The following BCLAF1 variants were observed in gnomAD, a reference collection of about 807,000 sequenced individuals.
BCLAF1 encodes bcl-2-associated transcription factor 1.
Under a neutral mutation model 99.5 loss-of-function variants are expected in BCLAF1, and 10 were observed. That is an observed-to-expected ratio of 0.10 (90% CI 0.06 to 0.17). The LOEUF (loss-of-function observed/expected upper bound fraction) is 0.17, where lower values mean the gene tolerates loss of function less well. Ranked by LOEUF, BCLAF1 falls within the 10% of genes least tolerant of loss-of-function variation. BCLAF1 has a pLI of 1.00. For synonymous variants in BCLAF1, 255 were observed against 370.9 expected, an observed-to-expected ratio of 0.69 and a Z score of 3.59; for missense variants, 636 against 1,105.8, an observed-to-expected ratio of 0.58 and a Z score of 6.02.
Position 136,276,134 on chromosome 6 carries a change from G to A in BCLAF1, c.1391C>T (p.Thr464Ile), listed in dbSNP as rs776896904. ...GCTAGGCCTTTCCACTACATATCCA[G>A]TCTCTTTAAGTTTATAATTTTTTTC... ...REEKNYKLKE[T>I]GYVVERPSTT... is the part of the protein sequence containing the mutation. Residue 464 changes from threonine to isoleucine, a missense_variant, in exon 5 of 13, where the codon ACT (threonine) becomes ATT (isoleucine). Physicochemically the swap from Thr to Ile is moderately conservative, Grantham distance 89. Around this residue, in one of 9 missense-constraint regions of BCLAF1, gnomAD observed 186 missense variants for 275.3 expected, o/e 0.68. Transcript: ENST00000531224. 3.1e-6 allele frequency: 5 copies of A among 1,613,108 alleles called. No homozygotes were observed. Among genetic ancestry groups the A allele is most frequent in the Non-Finnish European group, 4.2e-6 (5 of 1,179,826 alleles).
intron 6 of BCLAF1, among the ~76,000 whole-genome samples, chr6:136,274,463 C>G (rs1782978597): frequency 6.6e-6 from 1 of 151,786 alleles, no homozygotes; most frequent in Non-Finnish European, 1.5e-5. Context: ...TGGTCATAAA[C>G]TGGTTCACAA....
chr6:136,268,809 A>G lies in BCLAF1; in HGVS notation c.2220-470T>C, dbSNP rs562519665. The G allele has an allele frequency of 1.3e-4, 22 of 168,458 alleles. No individual in the cohort carries two copies. In the South Asian group the frequency reaches 2.3e-3, roughly 17 times the overall value. 10.4% of individuals were successfully genotyped at this position (168,458 alleles called of 1,614,324 possible). A position where few individuals can be genotyped will look rare whatever the true frequency, so the allele number is the denominator to read the frequency against. On this transcript the variant is annotated intron_variant, in intron 9 of 12. Coordinates refer to ENST00000531224, the MANE Select transcript of BCLAF1 (RefSeq NM_014739.3). The stretch of plus-strand genomic sequence containing the variant: ...ATTACAAATAACAGCCATAAATTTA[A>G]TAACACAAACAAAATCCACCATTTA...
chr6:136,268,968 C>G (rs1208411898), intron 9 of BCLAF1: 1 of 364,638 alleles, frequency 2.7e-6, no homozygotes, highest in African/African-American at 2.2e-5. Context: ...CCACTGCTAA[C>G]AGTTTCCAAG....
chr6:136,266,298 C>G (rs1479676214), intron 11 of BCLAF1, among the ~76,000 whole-genome samples: 1 of 152,058 alleles, frequency 6.6e-6, no homozygotes, highest in Non-Finnish European at 1.5e-5. Flanking sequence ...GAACTAGTCT[C>G]TGAAGCATAA....
chr6:136,269,004 C>T (rs1421111277), intron 9 of BCLAF1: 1 of 568,506 alleles, frequency 1.8e-6, no homozygotes, highest in African/African-American at 2.0e-5. Context: ...AAGACTAATA[C>T]ACATTGCTAT....
At chr6:136,287,704 G>A (rs968531448) in intron 1 of BCLAF1, among the ~76,000 whole-genome samples, 2 of 152,084 alleles carry the variant, frequency 1.3e-5, no homozygotes, top group Admixed American at 1.3e-4. Context: ...AGTTAACCTC[G>A]TACAGCTTGC....
intron 6 of BCLAF1, chr6:136,273,491 TA>T: frequency 4.1e-6 from 1 of 244,546 alleles, no homozygotes; most frequent in South Asian, 6.3e-5. Context: ...AAAAGGAACA[TA>T]ATCTATGGAT....
chr6:136,273,844 G>A, intron 6 of BCLAF1: 1 of 527,184 alleles, frequency 1.9e-6, no homozygotes, highest in Non-Finnish European at 2.6e-6. Flanking sequence ...TTTAAAACCA[G>A]TTCAAGATAT....
rs1179084317 is a variant in BCLAF1 at position 136,258,561 on chromosome 6, G to A, written c.*2549C>T. 2 of 152,486 alleles carry A rather than the reference G, an allele frequency of 1.3e-5. No homozygotes were observed. Among genetic ancestry groups the A allele is most frequent in the African/African-American group, 2.4e-5 (1 of 41,432 alleles). The allele number at this position is 152,486 out of a possible 1,614,324, so 9.4% of individuals were successfully genotyped here. ...CCACAGAAATAAGATGTGTGAAATAGACACAGGTAAACAAACAACAGCAGT... is the reference window on the plus strand; with the variant it reads ...CCACAGAAATAAGATGTGTGAAATAAACACAGGTAAACAAACAACAGCAGT... On this transcript the variant is annotated 3_prime_UTR_variant, in exon 13 of 13. Transcript: ENST00000531224.
intron 2 of BCLAF1, among the ~76,000 whole-genome samples, chr6:136,281,926 T>C (rs1784426602): frequency 6.6e-6 from 1 of 152,206 alleles, no homozygotes; most frequent in Middle Eastern, 3.2e-3. Flanking sequence ...TTTTAAAGGT[T>C]TGCGTTTTGC....
chr6:136,284,671 G>C (rs957810423), intron 1 of BCLAF1, among the ~76,000 whole-genome samples: 34 of 152,178 alleles, frequency 2.2e-4, no homozygotes, highest in African/African-American at 7.5e-4. Context: ...AAACTTTCCA[G>C]ATAACTTGAG....
chr6:136,271,704 A>G (rs1226917504), intron 8 of BCLAF1, among the ~76,000 whole-genome samples: 2 of 151,828 alleles, frequency 1.3e-5, no homozygotes, highest in East Asian at 3.9e-4. Flanking sequence ...TGTATCTTTG[A>G]TTTTATAATT....
In BCLAF1 at chr6:136,277,899, G is replaced by C; in HGVS notation, c.982C>G (p.Gln328Glu). The change falls in exon 4 of 13, where the codon CAG (glutamine) becomes GAG (glutamate). Residue 328 changes from glutamine to glutamate, a missense_variant. Coordinates refer to ENST00000531224, the MANE Select transcript of BCLAF1 (RefSeq NM_014739.3). ...AACTTCCCAGTCTTTGCAGTTTCCT[G>C]ATCTCCACCATCAGGATAAAACGAG... ...RSSFYPDGGD[Q>E]ETAKTGKFLK... The C allele has an allele frequency of 6.2e-7, 1 of 1,601,774 alleles. No individual in the cohort carries two copies. Among genetic ancestry groups the C allele is most frequent in the Non-Finnish European group, 8.5e-7 (1 of 1,175,078 alleles).
At chr6:136,268,628 C>G in intron 9 of BCLAF1, 1 of 265,038 alleles carries the variant, frequency 3.8e-6, no homozygotes, top group Non-Finnish European at 7.3e-6. Context: ...TAAGTTATGT[C>G]TTTTATTACT....
rs1359770301 is a variant in BCLAF1, at chr6:136,257,118, G to C, written c.*3992C>G. On this transcript the variant is annotated 3_prime_UTR_variant, in exon 13 of 13. Coordinates refer to ENST00000531224, the MANE Select transcript of BCLAF1 (RefSeq NM_014739.3). Reference sequence around the variant, plus strand: ...TCTTGGGGGAAAGGCATTAAAGCCTGCTCACCCAACCTTTTTCTATTTTCA... The same window carrying C: ...TCTTGGGGGAAAGGCATTAAAGCCTCCTCACCCAACCTTTTTCTATTTTCA... The C allele has an allele frequency of 2.6e-5, 4 of 152,168 alleles. No homozygotes were observed. Among genetic ancestry groups the C allele is most frequent in the African/African-American group, 9.7e-5 (4 of 41,430 alleles). The allele number at this position is 152,168 out of a possible 1,614,324, so 9.4% of individuals were successfully genotyped here.
chr6:136,269,057 T>C, intron 9 of BCLAF1: 1 of 1,026,920 alleles, frequency 9.7e-7, no homozygotes. Flanking sequence ...GTTAAACCAC[T>C]AGATATCAGT....
At chr6:136,287,492 A>G (rs1407979745) in intron 1 of BCLAF1, among the ~76,000 whole-genome samples, 2 of 152,208 alleles carry the variant, frequency 1.3e-5, no homozygotes, top group Non-Finnish European at 2.9e-5. Context: ...TAACAAATTC[A>G]TATCAAACAA....
intron 9 of BCLAF1, 121 bp downstream of exon 9, chr6:136,269,316 T>C: frequency 6.5e-7 from 1 of 1,541,540 alleles, no homozygotes; most frequent in South Asian, 1.2e-5. Flanking sequence ...GTAAAACAAA[T>C]AATTTTAATT....
At chr6:136,284,158 A>ATATATATATATATATATC in intron 1 of BCLAF1, among the ~76,000 whole-genome samples, 1 of 144,012 alleles carries the variant, frequency 6.9e-6, no homozygotes, top group African/African-American at 2.5e-5. Context: ...ATATATATAT[A>ATATATATATATATATATC]TCCAGAGAAG....
Sources: gnomAD v4.1 joint callset for allele counts (sites outside exome capture counted in the v4.1 genomes callset) on GRCh38, gnomAD v4.1.1 for gene constraint, gnomAD v4.1.1 regional missense constraint, MANE v1.5 for transcripts, NCBI Gene and HGNC (gene_info 2026-07-23, HGNC 2026-07-21) for gene names.